Variants in TTLL5 observed in about 807,000 individuals in gnomAD.
TTLL5 encodes tubulin polyglutamylase TTLL5.
A neutral mutation model predicts 168.4 loss-of-function variants in TTLL5; 132 were observed. The ratio of observed to expected loss-of-function variants is 0.78; its 90% CI spans 0.68 to 0.91. TTLL5 has a LOEUF of 0.91. Among genes scored for constraint, TTLL5 ranks in the 40% least tolerant of loss-of-function variants. The pLI is 0.00. For missense variants in TTLL5, 1,545 were observed against 1,581.5 expected (o/e 0.98, Z 0.39); for synonymous variants, 546 against 558.6 (o/e 0.98, Z 0.32).
At chr14:75,767,928 A>T (rs1180189103) in intron 20 of TTLL5, among the ~76,000 whole-genome samples, 1 of 152,178 alleles carries the variant, frequency 6.6e-6, no homozygotes, top group Non-Finnish European at 1.5e-5. Flanking sequence ...CACATTTGGA[A>T]ACTTGGTGGT....
intron 27 of TTLL5, chr14:75,818,460 G>A (rs1003834553): frequency 8.1e-5 from 32 of 393,888 alleles, no homozygotes; most frequent in African/African-American, 3.6e-4. Context: ...AGATATTAGC[G>A]TGTTCCTATA....
chr14:75,809,444 A>G (rs551102806), intron 27 of TTLL5, among the ~76,000 whole-genome samples: 1 of 152,330 alleles, frequency 6.6e-6, no homozygotes, highest in African/African-American at 2.4e-5. Flanking sequence ...GGGGTTATTC[A>G]TATATCACAG....
chr14:75,926,914 A>G (rs2034090461), intron 31 of TTLL5, among the ~76,000 whole-genome samples: 2 of 152,224 alleles, frequency 1.3e-5, no homozygotes, highest in African/African-American at 2.4e-5. Flanking sequence ...AACAACCTAA[A>G]TGTTAGCCAG....
intron 15 of TTLL5, among the ~76,000 whole-genome samples, chr14:75,736,180 A>C (rs1888894055): frequency 6.6e-6 from 1 of 152,144 alleles, no homozygotes; most frequent in Admixed American, 6.6e-5. Flanking sequence ...CTTTGAAGGC[A>C]TAAGCAGCTT....
intron 3 of TTLL5, among the ~76,000 whole-genome samples, chr14:75,677,550 C>T (rs182399864): frequency 1.3e-4 from 20 of 151,778 alleles, no homozygotes; most frequent in African/African-American, 4.1e-4. Flanking sequence ...GCGCACAGCA[C>T]CATGCCTGGC....
intron 12 of TTLL5, among the ~76,000 whole-genome samples, chr14:75,729,688 A>G (rs1888410414): frequency 6.6e-6 from 1 of 152,188 alleles, no homozygotes; most frequent in Admixed American, 6.6e-5. Flanking sequence ...CAAGCCTGGT[A>G]TGTGTACAGA....
intron 28 of TTLL5, 128 bp downstream of exon 28, chr14:75,820,289 C>T (rs1029012771): frequency 1.8e-5 from 18 of 978,286 alleles, no homozygotes; most frequent in Middle Eastern, 6.9e-4. Flanking sequence ...CCACCTGCCT[C>T]GATCCTCTGG....
chr14:75,695,140 AG>A (rs1490041655), intron 6 of TTLL5, among the ~76,000 whole-genome samples: 1 of 152,254 alleles, frequency 6.6e-6, no homozygotes, highest in Non-Finnish European at 1.5e-5. Context: ...TTTCTCAGCA[AG>A]GAACAGCCCT....
At chr14:75,727,469 C>A (rs1223196580) in intron 12 of TTLL5, among the ~76,000 whole-genome samples, 1 of 152,132 alleles carries the variant, frequency 6.6e-6, no homozygotes, top group African/African-American at 2.4e-5. Flanking sequence ...ACATTAATTT[C>A]ATTTATTTGA....
At chr14:75,737,546 C>A (rs1387679093) in intron 15 of TTLL5, 1 of 1,533,886 alleles carries the variant, frequency 6.5e-7, no homozygotes. Context: ...GGGTTTATTC[C>A]ATTTTTCTGT....
At chr14:75,886,449 C>A (rs953890228) in intron 30 of TTLL5, among the ~76,000 whole-genome samples, 5 of 152,146 alleles carry the variant, frequency 3.3e-5, no homozygotes, top group Middle Eastern at 6.3e-3. Context: ...CTGTCTATTC[C>A]ATTGAAAGCT....
intron 3 of TTLL5, among the ~76,000 whole-genome samples, 164 bp downstream of exon 3, chr14:75,669,686 C>T (rs1227059686): frequency 1.3e-5 from 2 of 150,762 alleles, no homozygotes; most frequent in African/African-American, 4.9e-5. Flanking sequence ...TTGTTTTCTG[C>T]TTATGTTTTT....
intron 30 of TTLL5, among the ~76,000 whole-genome samples, chr14:75,884,595 G>A (rs903624317): frequency 2.0e-5 from 3 of 152,232 alleles, no homozygotes; most frequent in Admixed American, 6.5e-5. Context: ...GATTTCTTCA[G>A]AATTTAAGTA....
In TTLL5 at chr14:75,806,708, C is replaced by T. The variant is rs1595072077; in HGVS notation, c.3172-13299C>T. Among the ~76,000 whole-genome samples the T allele has an allele frequency of 3.3e-5, 5 of 152,302 alleles. No individual in the cohort carries two copies. In the South Asian group the frequency reaches 1.0e-3, roughly 32 times the overall value. On this transcript the variant is annotated intron_variant, in intron 27 of 31. Transcript: ENST00000298832. Reference sequence around the variant, plus strand: ...CTCTCTTTTAACAGACAGTGAACTCCTTGAGGGCAGTGTCCTTTGCTGCCT... The same window carrying T: ...CTCTCTTTTAACAGACAGTGAACTCTTTGAGGGCAGTGTCCTTTGCTGCCT...
intron 9 of TTLL5, chr14:75,709,066 C>T: frequency 1.5e-6 from 1 of 656,140 alleles, no homozygotes; most frequent in East Asian, 2.7e-5. Flanking sequence ...AGCCTGTGGG[C>T]CTCAGGTTGG....
chr14:75,819,376 A>G (rs1894700139), intron 27 of TTLL5, among the ~76,000 whole-genome samples: 1 of 152,216 alleles, frequency 6.6e-6, no homozygotes, highest in South Asian at 2.1e-4. Context: ...ATCTTTAAAT[A>G]TTGTATACCA....
intron 27 of TTLL5, 43 bp downstream of exon 27, chr14:75,793,143 G>T (rs1301386374): frequency 4.7e-6 from 7 of 1,481,020 alleles, no homozygotes; most frequent in Non-Finnish European, 6.3e-6. Context: ...TGGACCTGAG[G>T]ATAGAATTAA....
chr14:75,906,504 G>T, intron 31 of TTLL5: 1 of 985,418 alleles, frequency 1.0e-6, no homozygotes, highest in Non-Finnish European at 1.2e-6. Flanking sequence ...GTGTCCTTTG[G>T]GCCAAAATCA....
At chr14:75,858,241 T>G (rs1405049937) in intron 28 of TTLL5, among the ~76,000 whole-genome samples, 1 of 152,194 alleles carries the variant, frequency 6.6e-6, no homozygotes, top group South Asian at 2.1e-4. Flanking sequence ...ACAAAAACGA[T>G]GGTGGGTTTT....
Sources: allele counts gnomAD v4.1 joint callset (sites outside exome capture counted in the v4.1 genomes callset), GRCh38; gene constraint gnomAD v4.1.1; transcripts MANE v1.5; gene names NCBI Gene and HGNC (gene_info 2026-07-23, HGNC 2026-07-21).